ANKRD10: variants seen among roughly 807,000 people sequenced by gnomAD.
The protein encoded by ANKRD10 is ankyrin repeat domain-containing protein 10.
ANKRD10 carries 14 observed loss-of-function variants against 27.0 expected under a neutral mutation model. That is an observed-to-expected ratio of 0.52 (90% CI 0.34 to 0.81). The LOEUF is 0.81. Among genes scored for constraint, ANKRD10 ranks in the 40% least tolerant of loss-of-function variants. ANKRD10 has a pLI of 0.01. For synonymous variants in ANKRD10, 250 were observed against 224.5 expected (o/e 1.11, Z -1.01); for missense variants, 493 against 544.0 (o/e 0.91, Z 0.93).
At chr13:110,881,538 C>T (rs962889988) in intron 5 of ANKRD10, among the ~76,000 whole-genome samples, 12 of 151,512 alleles carry the variant, frequency 7.9e-5, no homozygotes, top group African/African-American at 2.9e-4. Context: ...ATTTTTTTTC[C>T]CCCAAATTAA....
chr13:110,909,037 C>T (rs1013711131), intron 2 of ANKRD10, among the ~76,000 whole-genome samples: 3 of 152,026 alleles, frequency 2.0e-5, no homozygotes, highest in Non-Finnish European at 4.4e-5. Flanking sequence ...GGTGGGAGAC[C>T]CAGCAGCACA....
chr13:110,882,966 G>A (rs2064846933), intron 5 of ANKRD10, among the ~76,000 whole-genome samples: 1 of 152,162 alleles, frequency 6.6e-6, no homozygotes, highest in African/African-American at 2.4e-5. Context: ...AAAAGCAATA[G>A]CTAAATGGAC....
At chr13:110,914,647 C>A in intron 1 of ANKRD10, 78 bp downstream of exon 1, 1 of 1,473,886 alleles carries the variant, frequency 6.8e-7, no homozygotes, top group Non-Finnish European at 9.1e-7. Flanking sequence ...GCCCCACGTC[C>A]CCCGCACCTC....
Position 110,906,137 on chromosome 13 carries a change from A to T in ANKRD10, c.364-13T>A. 2 of 1,581,636 alleles carry T rather than the reference A, an allele frequency of 1.3e-6. No homozygotes were observed. The highest frequency in any genetic ancestry group is 2.3e-5 in the South Asian group (2 of 87,436). On this transcript the variant is annotated splice_polypyrimidine_tract_variant and intron_variant, in intron 2 of 5. Coordinates refer to ENST00000267339, the MANE Select transcript of ANKRD10 (RefSeq NM_017664.4). Reference sequence around the variant, plus strand: ...CACCCTCACAATCCTGAAACAACAAAAAGCAAAATATACACATACTTAGAA... The same window carrying T: ...CACCCTCACAATCCTGAAACAACAATAAGCAAAATATACACATACTTAGAA...
chr13:110,890,214 T>G (rs1392802461), intron 4 of ANKRD10, among the ~76,000 whole-genome samples: 1 of 152,164 alleles, frequency 6.6e-6, no homozygotes, highest in Non-Finnish European at 1.5e-5. Flanking sequence ...GGTCAGTTAA[T>G]ATGGAAATAA....
intron 4 of ANKRD10, among the ~76,000 whole-genome samples, chr13:110,890,358 A>AG (rs1166509630): frequency 4.6e-5 from 7 of 151,576 alleles, no homozygotes; most frequent in Non-Finnish European, 7.4e-5. Flanking sequence ...TAATGGTAAA[A>AG]GGGGGGCAAA....
intron 1 of ANKRD10, among the ~76,000 whole-genome samples, chr13:110,912,775 C>G (rs1158297313): frequency 6.6e-6 from 1 of 152,236 alleles, no homozygotes. Flanking sequence ...GTTAGCAGGG[C>G]TGGGGAGAAA....
intron 3 of ANKRD10, among the ~76,000 whole-genome samples, chr13:110,903,848 A>C (rs182102191): frequency 6.6e-6 from 1 of 152,300 alleles, no homozygotes; most frequent in African/African-American, 2.4e-5. Context: ...AACTTTAAAT[A>C]AGTTAATTCT....
Position 110,906,172 on chromosome 13 carries a change from T to C in ANKRD10, c.364-48A>G, listed in dbSNP as rs1458297050. ...ATACACATACTTAGAACAAAACTTC[T>C]GACATTTTGGAAGTAATGTCATTAA... is the stretch of plus-strand genomic sequence containing the variant. On this transcript the variant is annotated intron_variant, in intron 2 of 5. Coordinates refer to ENST00000267339, the MANE Select transcript of ANKRD10 (RefSeq NM_017664.4). 4.8e-6 allele frequency: 7 copies of C among 1,447,146 alleles called. No homozygotes were observed. The African/African-American group carries it at 8.4e-5, about 17-fold the overall frequency. 89.6% of individuals were successfully genotyped at this position (1,447,146 alleles called of 1,614,324 possible).
chr13:110,889,916 G>A (rs2065030863), intron 4 of ANKRD10, among the ~76,000 whole-genome samples: 1 of 152,066 alleles, frequency 6.6e-6, no homozygotes. Context: ...ATTATCCCTG[G>A]CACCTGTAAC....
chr13:110,883,334 A>G (rs899948023), intron 5 of ANKRD10: 3 of 216,328 alleles, frequency 1.4e-5, no homozygotes, highest in Non-Finnish European at 2.5e-5. Context: ...AAAAATGCAA[A>G]CCTCATTAAA....
chr13:110,909,593 A>G (rs926752631), intron 2 of ANKRD10, among the ~76,000 whole-genome samples: 1 of 152,082 alleles, frequency 6.6e-6, no homozygotes, highest in Non-Finnish European at 1.5e-5. Flanking sequence ...GCCACCTTCC[A>G]TTTTCTTTTC....
rs770339575 is a variant in ANKRD10 at position 110,893,121 on chromosome 13, T to A, written c.598A>T (p.Asn200Tyr). Residue 200 changes from asparagine to tyrosine, a missense_variant, in exon 4 of 6, where the codon AAT (asparagine) becomes TAT (tyrosine). Physicochemically the swap from Asn to Tyr is moderately radical, Grantham distance 143. Coordinates refer to ENST00000267339, the MANE Select transcript of ANKRD10 (RefSeq NM_017664.4). ...NNGILNGGHQ[N>Y]VFPNHISVGT... ...ACACTAATATGATTAGGAAATACATTCTGATGACCCCCATTTAAGATGCCA... is the reference window on the plus strand; with the variant it reads ...ACACTAATATGATTAGGAAATACATACTGATGACCCCCATTTAAGATGCCA... The A allele has an allele frequency of 1.4e-5, 23 of 1,614,232 alleles. No homozygotes were observed. The highest frequency in any genetic ancestry group is 1.9e-5 in the Non-Finnish European group (23 of 1,180,034).
At chr13:110,883,914 A>AAC in intron 4 of ANKRD10, 121 bp from the exon 5 acceptor site, 27 of 1,096,606 alleles carry the variant, frequency 2.5e-5, no homozygotes, top group East Asian at 6.1e-5. Flanking sequence ...ATAAAAAAAA[A>AAC]TCGACAGGTC....
chr13:110,905,758 G>A (rs1239153073), intron 3 of ANKRD10, among the ~76,000 whole-genome samples: 2 of 152,070 alleles, frequency 1.3e-5, no homozygotes, highest in Non-Finnish European at 2.9e-5. Context: ...AAGTAATGAT[G>A]CCAAGTTCCA....
chr13:110,911,704 A>C (rs1287113910), intron 1 of ANKRD10: 1 of 151,998 alleles, frequency 6.6e-6, no homozygotes, highest in Non-Finnish European at 1.5e-5. Context: ...ACTTGAACCT[A>C]GGAGGTGGAG....
intron 1 of ANKRD10, among the ~76,000 whole-genome samples, chr13:110,911,100 CTGTT>C (rs1425407471): frequency 1.3e-5 from 2 of 152,246 alleles, no homozygotes; most frequent in African/African-American, 2.4e-5. Flanking sequence ...TCTATCAAAA[CTGTT>C]TGTTGCACAG....
intron 4 of ANKRD10, among the ~76,000 whole-genome samples, chr13:110,885,259 G>GA (rs1027154781): frequency 1.5e-4 from 22 of 148,856 alleles, no homozygotes; most frequent in East Asian, 5.9e-4. Flanking sequence ...AAAAGAGAGA[G>GA]AAAAAAAAAA....
At chr13:110,909,078 A>C (rs2065619396) in intron 2 of ANKRD10, among the ~76,000 whole-genome samples, 1 of 152,154 alleles carries the variant, frequency 6.6e-6, no homozygotes, top group Non-Finnish European at 1.5e-5. Flanking sequence ...ATCTACTGAA[A>C]ATACTGAACT....
Sources: gnomAD v4.1 joint callset for allele counts (sites outside exome capture counted in the v4.1 genomes callset) on GRCh38, gnomAD v4.1.1 for gene constraint, MANE v1.5 for transcripts, NCBI Gene and HGNC (gene_info 2026-07-23, HGNC 2026-07-21) for gene names.